The following NAV2 variants were observed in gnomAD, a reference collection of about 807,000 sequenced individuals.
NAV2 encodes neuron navigator 2, also known as helicase, APC down-regulated 1.
In NAV2, 54 loss-of-function variants were observed where a neutral mutation model predicts 223.2. That is an observed-to-expected ratio of 0.24 (90% confidence interval 0.19 to 0.30). The LOEUF (loss-of-function observed/expected upper bound fraction) is 0.30. Among genes scored for constraint, NAV2 ranks in the 10% least tolerant of loss-of-function variants. The pLI is 1.00. For missense variants in NAV2, 2,806 were observed against 3,147.5 expected (o/e 0.89, Z 2.60); for synonymous variants, 1,279 against 1,239.3 (o/e 1.03, Z -0.67).
chr11:19,419,372 G>C (rs917265842), intron 1 of NAV2, among the ~76,000 whole-genome samples: 7 of 152,136 alleles, frequency 4.6e-5, no homozygotes, highest in African/African-American at 1.7e-4. Context: ...GTCTGATATG[G>C]AGGAATCTCA....
chr11:19,636,433 A>C (rs1308501823), intron 1 of NAV2, among the ~76,000 whole-genome samples: 1 of 152,144 alleles, frequency 6.6e-6, no homozygotes. Flanking sequence ...AGGAGAGAGA[A>C]GGATTCAAGT....
chr11:19,629,265 C>G (rs1345262696), intron 1 of NAV2, among the ~76,000 whole-genome samples: 1 of 152,088 alleles, frequency 6.6e-6, no homozygotes, highest in Non-Finnish European at 1.5e-5. Context: ...ACCAAAATAT[C>G]ATTTTAGGCA....
At chr11:19,376,463 C>T (rs1037846569) in intron 1 of NAV2, among the ~76,000 whole-genome samples, 9 of 152,304 alleles carry the variant, frequency 5.9e-5, no homozygotes, top group Non-Finnish European at 1.0e-4. Context: ...ACAGAGGGGA[C>T]GAGGGACTCA....
In NAV2 at chr11:20,048,875, G is replaced by A; in HGVS notation, c.4050G>A (p.Gly1350=). Residue 1350 remains glycine (G), a synonymous_variant, in exon 15 of 38, where the codon GGG becomes GGA. Transcript: ENST00000349880. ...CAGGCAGTGGCGTCCTGAGCAGTGG[G>A]AGCAGCAGTCCTCTCTACAGCAAGA... is the stretch of plus-strand genomic sequence containing the variant. The part of the protein sequence containing the change: ...SPSGSGVLSS[G]SSSPLYSKNV... 6.2e-7 allele frequency: 1 copy of A among 1,614,162 alleles called. No individual in the cohort carries two copies. The highest frequency in any genetic ancestry group is 8.5e-7 in the Non-Finnish European group (1 of 1,180,038).
chr11:19,837,787 T>C lies in NAV2; in HGVS notation c.386-5084T>C, dbSNP rs73435671. On this transcript the variant is annotated intron_variant, in intron 2 of 37. Coordinates refer to ENST00000349880, the MANE Select transcript of NAV2 (RefSeq NM_145117.5). ...AAAGAGATGTGACAGCTAAATGTAC[T>C]ACGTGATCCTGAACTGCATCCTGTG... Among the ~76,000 whole-genome samples the C allele has an allele frequency of 7.9e-3, 1,202 of 152,330 alleles. 21 individuals are homozygous for C. The highest frequency in any genetic ancestry group is 0.027 in the African/African-American group (1,112 of 41,580).
chr11:20,093,385 A>G (rs2060996230), intron 29 of NAV2, among the ~76,000 whole-genome samples, 186 bp downstream of exon 29: 2 of 152,168 alleles, frequency 1.3e-5, no homozygotes, highest in East Asian at 1.9e-4. Flanking sequence ...TGCGAACGGC[A>G]TTTCCCTTTC....
At chr11:19,586,655 G>A (rs902538921) in intron 1 of NAV2, among the ~76,000 whole-genome samples, 27 of 152,362 alleles carry the variant, frequency 1.8e-4, no homozygotes, top group African/African-American at 5.3e-4. Flanking sequence ...TCCAGACCCT[G>A]TTTGCCTGGG....
chr11:19,684,208 C>T (rs2048955190), intron 1 of NAV2, among the ~76,000 whole-genome samples: 1 of 152,170 alleles, frequency 6.6e-6, no homozygotes, highest in South Asian at 2.1e-4. Flanking sequence ...TGTTCCTGAA[C>T]TCAATTTAAA....
chr11:20,101,133 G>A lies in NAV2; in HGVS notation c.6378G>A (p.Gly2126=). The change falls in exon 32 of 38, where the codon GGG becomes GGA. Residue 2126 remains glycine, a synonymous_variant. Transcript: ENST00000349880. Reference sequence around the variant, plus strand: ...GAGAGGGACGGGAGTTGACAGACGGGGTTATCGCCACCTTTAACGTGGACC... The same window carrying A: ...GAGAGGGACGGGAGTTGACAGACGGAGTTATCGCCACCTTTAACGTGGACC... The part of the protein sequence containing the change: ...VLREGRELTD[G]VIATFNVDHK... 1.2e-6 allele frequency: 2 copies of A among 1,614,120 alleles called. No individual in the cohort carries two copies. The highest frequency in any genetic ancestry group is 1.3e-5 in the African/African-American group (1 of 75,026).
At chr11:19,781,329 C>T (rs2056725420) in intron 1 of NAV2, among the ~76,000 whole-genome samples, 1 of 152,170 alleles carries the variant, frequency 6.6e-6, no homozygotes, top group Non-Finnish European at 1.5e-5. Flanking sequence ...GCAGTTCTCT[C>T]TGTGAGGGGC....
intron 6 of NAV2, among the ~76,000 whole-genome samples, chr11:19,905,190 A>T (rs1375392570): frequency 3.3e-5 from 5 of 152,180 alleles, no homozygotes; most frequent in African/African-American, 9.7e-5. Context: ...CTTTTACTCC[A>T]TTCACATTCT....
At chr11:19,784,218 G>A (rs542648780) in intron 1 of NAV2, among the ~76,000 whole-genome samples, 13 of 151,426 alleles carry the variant, frequency 8.6e-5, no homozygotes, top group East Asian at 3.9e-4. Context: ...GAGAAACCTC[G>A]TCTCTACTAA....
intron 4 of NAV2, among the ~76,000 whole-genome samples, chr11:19,871,925 G>T (rs565200541): frequency 6.6e-6 from 1 of 152,132 alleles, no homozygotes; most frequent in Non-Finnish European, 1.5e-5. Context: ...TGCCTCCTTG[G>T]TGAGGGGAGG....
chr11:19,937,029 T>C (rs1199926496), intron 7 of NAV2, among the ~76,000 whole-genome samples: 5 of 152,108 alleles, frequency 3.3e-5, no homozygotes, highest in Non-Finnish European at 7.3e-5. Context: ...TCCCAACTAC[T>C]CCGGAGGCTG....
chr11:19,895,591 G>T (rs1463491881), intron 6 of NAV2, among the ~76,000 whole-genome samples: 1 of 152,158 alleles, frequency 6.6e-6, no homozygotes, highest in Non-Finnish European at 1.5e-5. Context: ...TAAGGTACCT[G>T]TGAGAGTGTT....
Position 19,714,194 on chromosome 11 carries a change from C to T in NAV2, c.267+232C>T, listed in dbSNP as rs868111445. 1.4e-4 allele frequency: 95 copies of T among 694,966 alleles called. 1 individual carries two copies. The Middle Eastern group carries it at 4.6e-3, about 34-fold the overall frequency. 43.0% of individuals were successfully genotyped at this position (694,966 alleles called of 1,614,324 possible). On this transcript the variant is annotated intron_variant, in intron 1 of 37. Coordinates refer to ENST00000349880, the MANE Select transcript of NAV2 (RefSeq NM_145117.5). ...AAGAGCTCTTCGAGACCTGGGATGG[C>T]GGGCACGTCTGCAGCATCTTCCTGG...
chr11:19,994,898 G>A (rs2051717389), intron 11 of NAV2, among the ~76,000 whole-genome samples: 1 of 152,194 alleles, frequency 6.6e-6, no homozygotes, highest in Non-Finnish European at 1.5e-5. Context: ...TGCCAATGAG[G>A]AAATTGAGAT....
intron 18 of NAV2, 76 bp from the exon 19 acceptor site, chr11:20,055,693 C>T: frequency 7.4e-7 from 1 of 1,356,356 alleles, no homozygotes; most frequent in South Asian, 1.3e-5. Context: ...AATAAGCAGT[C>T]TTCTCTTTGT....
intron 1 of NAV2, among the ~76,000 whole-genome samples, chr11:19,555,242 G>A (rs1184367292): frequency 1.3e-5 from 2 of 152,194 alleles, no homozygotes; most frequent in African/African-American, 2.4e-5. Flanking sequence ...AAACATGCAC[G>A]ACAAAGGCCT....
Sources: gnomAD v4.1 joint callset for allele counts (sites outside exome capture counted in the v4.1 genomes callset) on GRCh38, gnomAD v4.1.1 for gene constraint, MANE v1.5 for transcripts, NCBI Gene and HGNC (gene_info 2026-07-23, HGNC 2026-07-21) for gene names.